Variants in STK11IP observed in about 807,000 individuals in gnomAD.
The protein encoded by STK11IP is serine/threonine kinase 11 interacting protein.
A neutral mutation model predicts 131.7 loss-of-function variants in STK11IP; 103 were observed. The ratio of observed to expected loss-of-function variants is 0.78; its 90% CI spans 0.67 to 0.92. The LOEUF (loss-of-function observed/expected upper bound fraction) is 0.92. STK11IP is among the 40% of genes least tolerant of loss of function. The pLI, the probability that STK11IP is intolerant of heterozygous loss-of-function variation, is 0.00. For synonymous variants in STK11IP, 557 were observed against 575.6 expected (o/e 0.97, Z 0.46); for missense variants, 1,315 against 1,385.7 (o/e 0.95, Z 0.81).
chr2:219,609,811 CATT>C lies in STK11IP; in HGVS notation c.2104+275_2104+277del, dbSNP rs142846129. The C allele has an allele frequency of 2.3e-4, 86 of 379,894 alleles. No homozygotes were observed. The East Asian group carries it at 3.1e-3, about 14-fold the overall frequency. The allele number at this position is 379,894 out of a possible 1,614,324, so 23.5% of individuals were successfully genotyped here. On this transcript the variant is annotated intron_variant, in intron 17 of 24. Transcript: ENST00000456909. ...CTCTGTAACTGTGCTTAAACATACTCATTATTTTTTCATAACTTGAAGGCTTGT... is the reference window on the plus strand; with the variant it reads ...CTCTGTAACTGTGCTTAAACATACTCATTTTTTCATAACTTGAAGGCTTGT...
chr2:219,600,780 C>T (rs1228506283), intron 2 of STK11IP, among the ~76,000 whole-genome samples: 1 of 152,194 alleles, frequency 6.6e-6, no homozygotes, highest in African/African-American at 2.4e-5. Flanking sequence ...GATAAAACTT[C>T]CAATTAACTT....
intron 23 of STK11IP, 101 bp downstream of exon 23, chr2:219,614,647 TG>T (rs751926939): frequency 1.7e-6 from 2 of 1,178,292 alleles, no homozygotes; most frequent in South Asian, 2.5e-5. Flanking sequence ...TTGCAGCAAC[TG>T]TCAGTTCCTG....
chr2:219,614,580 C>T (rs1364405274), intron 23 of STK11IP, 34 bp downstream of exon 23: 2 of 1,608,338 alleles, frequency 1.2e-6, no homozygotes, highest in East Asian at 4.5e-5. Context: ...CTTCCCTGGT[C>T]TCTGTACCCT....
chr2:219,606,859 G>A lies in STK11IP; in HGVS notation c.1134+1G>A. The A allele has an allele frequency of 6.2e-7, 1 of 1,608,274 alleles. No homozygotes were observed. Among genetic ancestry groups the A allele is most frequent in the Non-Finnish European group, 8.5e-7 (1 of 1,176,520 alleles). On this transcript the variant is annotated splice_donor_variant, in intron 12 of 24. Coordinates refer to ENST00000456909, the MANE Select transcript of STK11IP (RefSeq NM_052902.4). LOFTEE classifies it high-confidence loss of function. ...CCAGCCCCTGCTTCATAAGGTTAAG[G>A]TAAGCAGCGTCCTCCGCTGCCTTGT...
intron 15 of STK11IP, 96 bp downstream of exon 15, chr2:219,608,884 C>G: frequency 7.4e-7 from 1 of 1,359,978 alleles, no homozygotes. Flanking sequence ...TCAGTCTCTC[C>G]TTGGCACTAG....
intron 7 of STK11IP, 168 bp from the exon 8 acceptor site, chr2:219,605,440 T>G (rs1263361923): frequency 1.6e-6 from 1 of 642,398 alleles, no homozygotes; most frequent in Non-Finnish European, 2.7e-6. Context: ...AGTGCTGGTG[T>G]TGTTCAAGTC....
rs1280722975 is a variant in STK11IP at position 219,615,224 on chromosome 2, T to A, written c.3000T>A (p.Pro1000=). The change falls in exon 24 of 25, where the codon CCT becomes CCA. Residue 1000 remains proline (P), a synonymous_variant. Coordinates refer to ENST00000456909, the MANE Select transcript of STK11IP (RefSeq NM_052902.4). ...CTGGCGAAGCCTCTGAGAAGGTGCC[T>A]CCCTCGGGGCCGGGCCCTGCTGTGC... is the stretch of plus-strand genomic sequence containing the variant. The part of the protein sequence containing the change: ...AASGEASEKV[P]PSGPGPAVRV... The A allele has an allele frequency of 6.3e-7, 1 of 1,595,124 alleles. No homozygotes were observed. The highest frequency in any genetic ancestry group is 8.5e-7 in the Non-Finnish European group (1 of 1,175,150).
chr2:219,611,659 G>A lies in STK11IP; in HGVS notation c.2160G>A (p.Val720=). ...CGSDHVVLLA[V]SRGTPNRERK... ...GTGACCACGTGGTTCTCCTCGCTGT[G>A]TCTCGGGGAACCCCCAACAGGGAGC... Residue 720 remains valine, a synonymous_variant, in exon 18 of 25, where the codon GTG becomes GTA. Transcript: ENST00000456909. 1.9e-6 allele frequency: 3 copies of A among 1,613,210 alleles called. No homozygotes were observed. Among genetic ancestry groups the A allele is most frequent in the South Asian group, 1.1e-5 (1 of 91,080 alleles).
rs758774048 is a variant in STK11IP at position 219,613,755 on chromosome 2, G to C, written c.2541G>C (p.Glu847Asp). The C allele has an allele frequency of 1.9e-6, 3 of 1,612,344 alleles. No individual in the cohort carries two copies. The highest frequency in any genetic ancestry group is 2.5e-6 in the Non-Finnish European group (3 of 1,179,614). The change falls in exon 21 of 25, where the codon GAG (glutamate) becomes GAC (aspartate). Residue 847 changes from glutamate (E) to aspartate (D), a missense_variant. By Grantham distance (45) the Glu-to-Asp change is conservative (BLOSUM62 2). Coordinates refer to ENST00000456909, the MANE Select transcript of STK11IP (RefSeq NM_052902.4). ...YLLKVTGEMR[E>D]PPASWLQLTL... Reference sequence around the variant, plus strand: ...GCTCTGTCCCCTCTCTCCACAGTGAGCCTCCAGCTAGCTGGCTGCAGCTGA... The same window carrying C: ...GCTCTGTCCCCTCTCTCCACAGTGACCCTCCAGCTAGCTGGCTGCAGCTGA...
chr2:219,606,771 T>C lies in STK11IP; in HGVS notation c.1047T>C (p.Ser349=). ...MGPPLPWPVG[S]TPETSGGPDL... ...CACCTTTGCCCTGGCCAGTGGGGAG[T>C]ACTCCTGAAACCTCAGGTGGCCCTG... Residue 349 remains serine, a synonymous_variant, in exon 12 of 25, where the codon AGT becomes AGC. Coordinates refer to ENST00000456909, the MANE Select transcript of STK11IP (RefSeq NM_052902.4). The C allele has an allele frequency of 6.2e-7, 1 of 1,613,668 alleles. No individual in the cohort carries two copies.
At chr2:219,613,655 A>C (rs569385366) in intron 20 of STK11IP, 97 bp from the exon 21 acceptor site, 3 of 1,412,220 alleles carry the variant, frequency 2.1e-6, no homozygotes, top group Non-Finnish European at 2.0e-6. Context: ...CACGGGGGTG[A>C]TGCAGTGAGT....
In STK11IP at chr2:219,601,633, T is replaced by TG; in HGVS notation, c.268-8_268-7insG. On this transcript the variant is annotated splice_region_variant and splice_polypyrimidine_tract_variant and intron_variant, in intron 3 of 24. Transcript: ENST00000456909. ...CCTCAGTAAATTGAGTTTTTTTTTT[T>TG]TTTTCAGCTGGTCCATGTTGCTGGT... 4 of 1,573,646 alleles carry TG rather than the reference T, an allele frequency of 2.5e-6. No homozygotes were observed. Among genetic ancestry groups the TG allele is most frequent in the Non-Finnish European group, 3.5e-6 (4 of 1,159,068 alleles).
chr2:219,604,592 A>T (rs1416059988), intron 7 of STK11IP, among the ~76,000 whole-genome samples: 1 of 152,196 alleles, frequency 6.6e-6, no homozygotes, highest in African/African-American at 2.4e-5. Flanking sequence ...GGAAACAAAG[A>T]TGAATGGTTG....
In STK11IP at chr2:219,597,876, T is replaced by C; in HGVS notation, c.-74T>C. On this transcript the variant is annotated 5_prime_UTR_variant, in exon 1 of 25. Transcript: ENST00000456909. ...GGCGGGACTTCCTTTCCATCATTGA[T>C]AGGCGCCGGGCAGCTGAGCTGGTAG... 1 of 1,605,086 alleles carries C rather than the reference T, an allele frequency of 6.2e-7. No homozygotes were observed. The highest frequency in any genetic ancestry group is 1.7e-4 in the Middle Eastern group (1 of 6,034).
At chr2:219,611,877 G>C in intron 18 of STK11IP, 43 bp downstream of exon 18, 5 of 1,583,744 alleles carry the variant, frequency 3.2e-6, no homozygotes, top group Non-Finnish European at 4.3e-6. Context: ...TTGGGGAAGG[G>C]AAGGGGCACT....
Position 219,609,083 on chromosome 2 carries a change from C to G in STK11IP, c.1810-14C>G, listed in dbSNP as rs781487332. ...CCCTGCTGTTTTTCACCCGGTCCCC[C>G]TCTTGCTGCGCAGGGCTCAGATCTG... On this transcript the variant is annotated splice_polypyrimidine_tract_variant and intron_variant, in intron 15 of 24. Coordinates refer to ENST00000456909, the MANE Select transcript of STK11IP (RefSeq NM_052902.4). 9 of 1,566,858 alleles carry G rather than the reference C, an allele frequency of 5.7e-6. No homozygotes were observed. The highest frequency in any genetic ancestry group is 1.8e-5 in the Admixed American group (1 of 54,434).
At position 219,614,222 on chromosome 2, in the gene STK11IP, C is replaced by T. The variant is rs774712197; in HGVS notation, c.2778C>T (p.Val926=). Residue 926 remains valine, a synonymous_variant, in exon 22 of 25, where the codon GTC becomes GTT. Coordinates refer to ENST00000456909, the MANE Select transcript of STK11IP (RefSeq NM_052902.4). ...RNCVSATEEE[V]TPQHRLWPLL... is the part of the protein sequence containing the mutation. ...GTGTCAGTGCCACAGAGGAGGAGGTCACCCCCCAGCACCGGCTCTGGTGAG... is the reference window on the plus strand; with the variant it reads ...GTGTCAGTGCCACAGAGGAGGAGGTTACCCCCCAGCACCGGCTCTGGTGAG... 1.3e-5 allele frequency: 21 copies of T among 1,613,358 alleles called. No individual in the cohort carries two copies. In the African/African-American group the frequency reaches 2.1e-4, roughly 16 times the overall value.
At position 219,613,137 on chromosome 2, in the gene STK11IP, G is replaced by T. The variant is rs1698446639; in HGVS notation, c.2449G>T (p.Ala817Ser). 1.2e-6 allele frequency: 2 copies of T among 1,611,922 alleles called. No homozygotes were observed. The highest frequency in any genetic ancestry group is 1.7e-6 in the Non-Finnish European group (2 of 1,179,390). ...EFQCCLKVPV[A>S]LAGHTGEFMC... ...CTTCCTCTTCCCCCAGGTGCCAGTGGCATTGGCAGGCCACACTGGGGAGTT... is the reference window on the plus strand; with the variant it reads ...CTTCCTCTTCCCCCAGGTGCCAGTGTCATTGGCAGGCCACACTGGGGAGTT... The change falls in exon 20 of 25, where the codon GCA becomes TCA. Residue 817 changes from alanine (A) to serine (S), a missense_variant. Coordinates refer to ENST00000456909, the MANE Select transcript of STK11IP (RefSeq NM_052902.4).
rs200869047 is a variant in STK11IP at position 219,608,606 on chromosome 2, G to A, written c.1627G>A (p.Val543Met). 3.4e-5 allele frequency: 55 copies of A among 1,604,224 alleles called. No homozygotes were observed. The highest frequency in any genetic ancestry group is 3.8e-5 in the Non-Finnish European group (45 of 1,173,958). The part of the protein sequence containing the change: ...VEAELCRPLL[V>M]CPLEGPEGVR... ...AGCGGAACTCTGTCGCCCCTTGTTG[G>A]TGTGTCCCCTGGAGGGGCCTGAGGG... Residue 543 changes from valine (V) to methionine (M), a missense_variant, in exon 15 of 25, where the codon GTG becomes ATG. Val to Met is a conservative substitution (Grantham distance 21). Coordinates refer to ENST00000456909, the MANE Select transcript of STK11IP (RefSeq NM_052902.4).
Sources: gnomAD v4.1 joint callset for allele counts (sites outside exome capture counted in the v4.1 genomes callset) on GRCh38, gnomAD v4.1.1 for gene constraint, MANE v1.5 for transcripts, NCBI Gene and HGNC (gene_info 2026-07-23, HGNC 2026-07-21) for gene names.